Variants in LCLAT1 observed in about 807,000 individuals in gnomAD.
The protein encoded by LCLAT1 is lysocardiolipin acyltransferase 1.
Under a neutral mutation model 30.7 loss-of-function variants are expected in LCLAT1, and 11 were observed. The ratio of observed to expected loss-of-function variants is 0.36; its 90% CI spans 0.23 to 0.59. The LOEUF (loss-of-function observed/expected upper bound fraction) is 0.59. LCLAT1 is among the 20% of genes least tolerant of loss of function. The pLI is 0.77. For missense variants in LCLAT1, 402 were observed against 458.6 expected, an observed-to-expected ratio of 0.88 and a Z score of 1.13; for synonymous variants, 155 against 151.3, an observed-to-expected ratio of 1.02 and a Z score of -0.18.
intron 5 of LCLAT1, among the ~76,000 whole-genome samples, chr2:30,617,853 T>C (rs539175120): frequency 6.6e-6 from 1 of 152,204 alleles, no homozygotes; most frequent in Non-Finnish European, 1.5e-5. Flanking sequence ...TGCTTTATTA[T>C]GGGCTTGCAA....
intron 5 of LCLAT1, among the ~76,000 whole-genome samples, chr2:30,582,840 A>T (rs1666262573): frequency 6.6e-6 from 1 of 152,344 alleles, no homozygotes; most frequent in East Asian, 1.9e-4. Context: ...GATGTCACAG[A>T]GTATGATGGA....
At chr2:30,459,879 A>G (rs1558450417) in intron 1 of LCLAT1, among the ~76,000 whole-genome samples, 1 of 152,160 alleles carries the variant, frequency 6.6e-6, no homozygotes, top group East Asian at 1.9e-4. Context: ...AAAAATAAGC[A>G]TTCATTTCTA....
chr2:30,589,541 T>A (rs1666598191), intron 5 of LCLAT1, among the ~76,000 whole-genome samples: 1 of 152,248 alleles, frequency 6.6e-6, no homozygotes, highest in East Asian at 1.9e-4. Context: ...AAAATGTAAA[T>A]TAGACATACA....
chr2:30,466,050 A>AT (rs1295701437), intron 1 of LCLAT1, among the ~76,000 whole-genome samples: 7 of 151,810 alleles, frequency 4.6e-5, no homozygotes, highest in South Asian at 2.1e-4. Flanking sequence ...GATGAGTTGT[A>AT]TTTTTTCAGT....
chr2:30,537,996 A>G (rs1164146040), intron 3 of LCLAT1, among the ~76,000 whole-genome samples: 5 of 152,182 alleles, frequency 3.3e-5, no homozygotes, highest in Admixed American at 2.6e-4. Context: ...CAATGAAGAA[A>G]TTAAGAAGGA....
intron 2 of LCLAT1, among the ~76,000 whole-genome samples, chr2:30,526,620 A>G (rs1178587274): frequency 1.3e-5 from 2 of 152,116 alleles, no homozygotes; most frequent in Non-Finnish European, 2.9e-5. Context: ...TAATATAAGT[A>G]TGCTTTGTTT....
chr2:30,515,931 G>A (rs564844367), intron 1 of LCLAT1, among the ~76,000 whole-genome samples: 28 of 152,164 alleles, frequency 1.8e-4, no homozygotes, highest in African/African-American at 6.0e-4. Flanking sequence ...TATACATTAC[G>A]TTAGGTATTG....
intron 1 of LCLAT1, among the ~76,000 whole-genome samples, chr2:30,519,517 G>A (rs953639548): frequency 2.0e-5 from 3 of 152,188 alleles, no homozygotes; most frequent in Non-Finnish European, 4.4e-5. Context: ...GACAGGACTA[G>A]CTGGATTTCC....
chr2:30,542,433 A>G (rs1248444783), intron 3 of LCLAT1, among the ~76,000 whole-genome samples: 1 of 152,096 alleles, frequency 6.6e-6, no homozygotes, highest in Non-Finnish European at 1.5e-5. Context: ...AAGTCTACCC[A>G]CTATCCACTC....
At chr2:30,518,031 C>T (rs1180500423) in intron 1 of LCLAT1, among the ~76,000 whole-genome samples, 4 of 152,140 alleles carry the variant, frequency 2.6e-5, no homozygotes, top group African/African-American at 9.7e-5. Flanking sequence ...GCAGCAACTG[C>T]TTTGCTAGCA....
chr2:30,450,134 A>G (rs1181911250), intron 1 of LCLAT1, among the ~76,000 whole-genome samples: 1 of 152,244 alleles, frequency 6.6e-6, no homozygotes, highest in Non-Finnish European at 1.5e-5. Flanking sequence ...TGAGACAAAT[A>G]AATAAATGAT....
Position 30,566,243 on chromosome 2 carries a change from A to G in LCLAT1, c.512-1817A>G, listed in dbSNP as rs528100043. ...TTTATACTTGTACTCACATTCTACA[A>G]CAGTTCAGTTTTGCTTTCAGAATCC... On this transcript the variant is annotated intron_variant, in intron 4 of 5. Coordinates refer to ENST00000379509, the MANE Select transcript of LCLAT1 (RefSeq NM_001002257.3). 4.6e-5 allele frequency among the ~76,000 whole-genome samples: 7 copies of G among 152,286 alleles called. No homozygotes were observed. The East Asian group carries it at 1.2e-3, about 25-fold the overall frequency.
chr2:30,594,451 C>G (rs1323484124), intron 5 of LCLAT1, among the ~76,000 whole-genome samples: 1 of 152,046 alleles, frequency 6.6e-6, no homozygotes, highest in African/African-American at 2.4e-5. Context: ...GAGTGTGATC[C>G]TTGATTAGAG....
At chr2:30,620,273 T>A (rs202222098) in intron 5 of LCLAT1, among the ~76,000 whole-genome samples, 1 of 152,160 alleles carries the variant, frequency 6.6e-6, no homozygotes, top group Non-Finnish European at 1.5e-5. Flanking sequence ...CATCATCTCT[T>A]GGAGTGCTTG....
chr2:30,546,685 A>G (rs1664428580), intron 3 of LCLAT1, among the ~76,000 whole-genome samples: 1 of 152,242 alleles, frequency 6.6e-6, no homozygotes, highest in African/African-American at 2.4e-5. Context: ...TGTTAGCCAC[A>G]AAGAATAGAT....
At chr2:30,459,467 T>G in intron 1 of LCLAT1, 1 of 684,568 alleles carries the variant, frequency 1.5e-6, no homozygotes, top group Non-Finnish European at 2.7e-6. Flanking sequence ...CGTAATCTGT[T>G]TACTCCATGA....
At chr2:30,452,518 G>GT (rs1396273083) in intron 1 of LCLAT1, among the ~76,000 whole-genome samples, 1 of 152,084 alleles carries the variant, frequency 6.6e-6, no homozygotes, top group African/African-American at 2.4e-5. Flanking sequence ...ATATTCATTA[G>GT]TTTTTGTCCT....
intron 1 of LCLAT1, among the ~76,000 whole-genome samples, chr2:30,464,988 G>A (rs1325276303): frequency 1.3e-5 from 2 of 152,142 alleles, no homozygotes; most frequent in Non-Finnish European, 2.9e-5. Context: ...GGGATTACAG[G>A]CATGAGCCAC....
At chr2:30,556,815 G>A (rs1383007958) in intron 3 of LCLAT1, among the ~76,000 whole-genome samples, 5 of 149,832 alleles carry the variant, frequency 3.3e-5, no homozygotes, top group South Asian at 2.1e-4. Context: ...GCACGATCTC[G>A]GCGCACTGCA....
Sources: allele counts gnomAD v4.1 joint callset (sites outside exome capture counted in the v4.1 genomes callset), GRCh38; gene constraint gnomAD v4.1.1; transcripts MANE v1.5; gene names NCBI Gene and HGNC (gene_info 2026-07-23, HGNC 2026-07-21).